OBI1: variants seen among roughly 807,000 people sequenced by gnomAD.
OBI1 encodes ring finger protein 219.
A neutral mutation model predicts 62.4 loss-of-function variants in OBI1; 59 were observed. The ratio of observed to expected loss-of-function variants is 0.95; its 90% CI spans 0.77 to 1.17. OBI1 has a LOEUF of 1.17. Among genes scored for constraint, OBI1 ranks in the 50% most tolerant of loss-of-function variants. OBI1 has a pLI of 0.00. For missense variants in OBI1, 875 were observed against 830.9 expected (o/e 1.05, Z -0.65); for synonymous variants, 302 against 292.8 (o/e 1.03, Z -0.32).
chr13:78,638,107 G>T (rs748535717), intron 4 of OBI1, among the ~76,000 whole-genome samples: 1 of 152,172 alleles, frequency 6.6e-6, no homozygotes. Flanking sequence ...GGATAAACTT[G>T]AACTCAAGCT....
chr13:78,649,928 A>G (rs1876497684), intron 1 of OBI1, among the ~76,000 whole-genome samples: 1 of 152,246 alleles, frequency 6.6e-6, no homozygotes, highest in African/African-American at 2.4e-5. Flanking sequence ...TGAAGTTATC[A>G]GCTGAAAACG....
At chr13:78,636,813 T>C (rs1457549254) in intron 4 of OBI1, among the ~76,000 whole-genome samples, 1 of 152,240 alleles carries the variant, frequency 6.6e-6, no homozygotes, top group African/African-American at 2.4e-5. Flanking sequence ...ATTTAGTGAA[T>C]GCTTTTTGAT....
In OBI1 at chr13:78,628,598, G is replaced by A. The variant is rs75476609; in HGVS notation, c.638+6512C>T. Among the ~76,000 whole-genome samples, 1,394 of 152,306 alleles carry A rather than the reference G, an allele frequency of 9.2e-3. 20 individuals carry two copies. Among genetic ancestry groups the A allele is most frequent in the African/African-American group, 0.03 (1,249 of 41,550 alleles). On this transcript the variant is annotated intron_variant, in intron 5 of 5. Coordinates refer to ENST00000282003, the MANE Select transcript of OBI1 (RefSeq NM_024546.4). Reference sequence around the variant, plus strand: ...GGAGTTAAGAATTAGACGAAGAAGAGGTGGCAGATGCAGACTAGCCAGTGA... The same window carrying A: ...GGAGTTAAGAATTAGACGAAGAAGAAGTGGCAGATGCAGACTAGCCAGTGA...
At position 78,616,845 on chromosome 13, in the gene OBI1, T is replaced by C. The variant is rs1278688839; in HGVS notation, c.916A>G (p.Thr306Ala). Reference sequence around the variant, plus strand: ...TTCGCTAGGTGAGAAGAACTGGAGGTGGATGAGCCAGGCTGCTTTCTGGCA... The same window carrying C: ...TTCGCTAGGTGAGAAGAACTGGAGGCGGATGAGCCAGGCTGCTTTCTGGCA... ...DSARKQPGSSTSSSSHLAKPS... is the reference protein window; with the variant it reads ...DSARKQPGSSASSSSHLAKPS... The change falls in exon 6 of 6, where the codon ACC (threonine) becomes GCC (alanine). Residue 306 changes from threonine (T) to alanine (A), a missense_variant. Thr to Ala is a moderately conservative substitution (Grantham distance 58). Transcript: ENST00000282003. 1 of 1,614,182 alleles carries C rather than the reference T, an allele frequency of 6.2e-7. No individual in the cohort carries two copies. The highest frequency in any genetic ancestry group is 8.5e-7 in the Non-Finnish European group (1 of 1,180,024).
intron 1 of OBI1, 99 bp from the exon 2 acceptor site, chr13:78,645,096 A>G: frequency 8.4e-7 from 1 of 1,195,742 alleles, no homozygotes; most frequent in Non-Finnish European, 1.2e-6. Flanking sequence ...ATTATAGCAG[A>G]GTAGGAGTTT....
chr13:78,651,387 C>G (rs888469693), intron 1 of OBI1, among the ~76,000 whole-genome samples: 1 of 152,156 alleles, frequency 6.6e-6, no homozygotes, highest in Admixed American at 6.6e-5. Context: ...GCTCATAGTT[C>G]GAGGTATAGC....
At chr13:78,642,462 T>A (rs912172851) in intron 2 of OBI1, among the ~76,000 whole-genome samples, 5 of 152,218 alleles carry the variant, frequency 3.3e-5, no homozygotes, top group Non-Finnish European at 7.3e-5. Flanking sequence ...ACATATCTTA[T>A]CACAGCAAAC....
intron 4 of OBI1, 32 bp from the exon 5 acceptor site, chr13:78,635,230 A>T (rs1419121270): frequency 7.6e-7 from 1 of 1,307,484 alleles, no homozygotes; most frequent in Non-Finnish European, 1.1e-6. Flanking sequence ...AAGTAAGCAA[A>T]AGCTACAATA....
chr13:78,618,748 T>C (rs1875411056), intron 5 of OBI1, among the ~76,000 whole-genome samples: 1 of 152,134 alleles, frequency 6.6e-6, no homozygotes. Flanking sequence ...AAAGCAACTA[T>C]AATAACAAGC....
At chr13:78,642,258 G>T in intron 2 of OBI1, 45 bp from the exon 3 acceptor site, 2 of 1,206,900 alleles carry the variant, frequency 1.7e-6, no homozygotes, top group South Asian at 1.3e-5. Context: ...TTCTGATTCG[G>T]GAAGAATGAA....
intron 1 of OBI1, among the ~76,000 whole-genome samples, chr13:78,650,167 G>T (rs1876505760): frequency 6.6e-6 from 1 of 152,108 alleles, no homozygotes; most frequent in Non-Finnish European, 1.5e-5. Flanking sequence ...GAGTAGTTTG[G>T]TTTACCCAGA....
At chr13:78,623,635 A>C (rs1875581138) in intron 5 of OBI1, among the ~76,000 whole-genome samples, 1 of 152,224 alleles carries the variant, frequency 6.6e-6, no homozygotes, top group African/African-American at 2.4e-5. Flanking sequence ...GCCCTTCTTA[A>C]ATAATATCAG....
rs562663413 is a variant in OBI1, at chr13:78,640,708, G to A, written c.300+1414C>T. Among the ~76,000 whole-genome samples, 18 of 152,268 alleles carry A rather than the reference G, an allele frequency of 1.2e-4. No homozygotes were observed. The East Asian group carries it at 3.1e-3, about 26-fold the overall frequency. On this transcript the variant is annotated intron_variant, in intron 3 of 5. Coordinates refer to ENST00000282003, the MANE Select transcript of OBI1 (RefSeq NM_024546.4). The stretch of plus-strand genomic sequence containing the variant: ...CCAGCTACTTGAGAGGCTGAGGCAG[G>A]AGAATTGCTTGAACCCAGGAGGCGG...
At chr13:78,633,884 G>C (rs937628164) in intron 5 of OBI1, among the ~76,000 whole-genome samples, 1 of 151,816 alleles carries the variant, frequency 6.6e-6, no homozygotes. Context: ...TGGCTAACAC[G>C]GTGAAACCCC....
rs191543998 is a variant in OBI1 at position 78,615,243 on chromosome 13, A to G, written c.*337T>C. On this transcript the variant is annotated 3_prime_UTR_variant, in exon 6 of 6. Transcript: ENST00000282003. ...CTAACAGTTAAATAACATTTTTTAA[A>G]AAAACAATGTATATCCAACCGAGAT... The G allele has an allele frequency of 8.6e-5, 16 of 186,434 alleles. No homozygotes were observed. In the East Asian group the frequency reaches 2.3e-3, roughly 26 times the overall value. The allele number at this position is 186,434 out of a possible 1,614,324, so 11.5% of individuals were successfully genotyped here.
chr13:78,651,356 A>G (rs1290876343), intron 1 of OBI1, among the ~76,000 whole-genome samples: 1 of 152,166 alleles, frequency 6.6e-6, no homozygotes, highest in Non-Finnish European at 1.5e-5. Context: ...TCTCCTACAA[A>G]ACAGTAATGA....
chr13:78,623,751 T>C (rs1875584041), intron 5 of OBI1, among the ~76,000 whole-genome samples: 2 of 152,214 alleles, frequency 1.3e-5, no homozygotes, highest in Admixed American at 6.5e-5. Context: ...GGTACATACA[T>C]TGGCTAATAG....
intron 5 of OBI1, among the ~76,000 whole-genome samples, chr13:78,632,272 C>T (rs968887365): frequency 3.9e-5 from 6 of 152,154 alleles, no homozygotes; most frequent in Non-Finnish European, 8.8e-5. Flanking sequence ...AGGAAGAGAA[C>T]CCATATCACA....
chr13:78,638,671 A>T (rs906551745), intron 4 of OBI1, 152 bp downstream of exon 4: 8 of 671,318 alleles, frequency 1.2e-5, no homozygotes, highest in East Asian at 5.6e-5. Flanking sequence ...AATAAGAAAA[A>T]GTCTTCTTAT....
Sources: gnomAD v4.1 joint callset for allele counts (sites outside exome capture counted in the v4.1 genomes callset) on GRCh38, gnomAD v4.1.1 for gene constraint, MANE v1.5 for transcripts, NCBI Gene and HGNC (gene_info 2026-07-23, HGNC 2026-07-21) for gene names.